Variants in CERS6 observed in about 807,000 individuals in gnomAD.
CERS6 encodes the protein LAG1 homolog, ceramide synthase 6.
In CERS6, 26 loss-of-function variants were observed where a neutral mutation model predicts 56.8. The observed-to-expected ratio is 0.46, with a 90% confidence interval of 0.34 to 0.63. The LOEUF (loss-of-function observed/expected upper bound fraction) is 0.63. CERS6 is among the 30% of genes least tolerant of loss of function. The probability of loss-of-function intolerance (pLI) is 0.01; values close to 1 mark genes in which losing one functional copy is unlikely to be tolerated. For synonymous variants in CERS6, 164 were observed against 173.3 expected (o/e 0.95, Z 0.42); for missense variants, 415 against 467.5 (o/e 0.89, Z 1.04).
chr2:168,759,125 C>G (rs553803250), intron 8 of CERS6, among the ~76,000 whole-genome samples: 1 of 152,246 alleles, frequency 6.6e-6, no homozygotes, highest in East Asian at 1.9e-4. Flanking sequence ...CCCACCAAGG[C>G]TAAGATATTG....
chr2:168,749,014 C>T (rs1315135677), intron 8 of CERS6, among the ~76,000 whole-genome samples: 2 of 149,384 alleles, frequency 1.3e-5, no homozygotes, highest in Admixed American at 6.7e-5. Context: ...ACCATTTCCT[C>T]CTTTCCCCAA....
At chr2:168,462,680 G>T (rs561634268) in intron 1 of CERS6, among the ~76,000 whole-genome samples, 9 of 152,278 alleles carry the variant, frequency 5.9e-5, no homozygotes, top group African/African-American at 2.2e-4. Context: ...AGGACTACAG[G>T]TGGGTGCCAC....
At chr2:168,460,854 T>C (rs927729852) in intron 1 of CERS6, among the ~76,000 whole-genome samples, 2 of 152,212 alleles carry the variant, frequency 1.3e-5, no homozygotes, top group Non-Finnish European at 1.5e-5. Context: ...AATGATCTGC[T>C]GTCCCAAACC....
intron 8 of CERS6, among the ~76,000 whole-genome samples, chr2:168,720,853 G>A (rs932477703): frequency 2.6e-5 from 4 of 152,094 alleles, no homozygotes; most frequent in African/African-American, 9.7e-5. Flanking sequence ...AATAGGTACG[G>A]TTCAAAAAAT....
chr2:168,718,437 A>G (rs549803780), intron 8 of CERS6, among the ~76,000 whole-genome samples: 2 of 152,320 alleles, frequency 1.3e-5, no homozygotes, highest in Admixed American at 1.3e-4. Flanking sequence ...CCACTGAGTG[A>G]GAAACTCTGG....
intron 1 of CERS6, among the ~76,000 whole-genome samples, chr2:168,462,229 T>C (rs1417734827): frequency 6.6e-6 from 1 of 152,220 alleles, no homozygotes; most frequent in African/African-American, 2.4e-5. Context: ...GATTAATTTC[T>C]TAAACACTTT....
At chr2:168,734,215 G>C (rs996942844) in intron 8 of CERS6, among the ~76,000 whole-genome samples, 1 of 152,042 alleles carries the variant, frequency 6.6e-6, no homozygotes, top group South Asian at 2.1e-4. Flanking sequence ...GATAGTGGAC[G>C]TAGACTACTT....
chr2:168,601,473 T>C (rs1683930352), intron 3 of CERS6, among the ~76,000 whole-genome samples: 1 of 152,102 alleles, frequency 6.6e-6, no homozygotes, highest in South Asian at 2.1e-4. Flanking sequence ...TTTCTAGCAC[T>C]AGTGTTTTCA....
intron 1 of CERS6, among the ~76,000 whole-genome samples, chr2:168,517,566 A>T (rs1694906593): frequency 1.3e-5 from 2 of 151,752 alleles, no homozygotes; most frequent in African/African-American, 4.8e-5. Context: ...AAACAAGTGG[A>T]TGGTGTGGTT....
chr2:168,705,144 A>C (rs2105376877), intron 6 of CERS6, among the ~76,000 whole-genome samples: 1 of 152,326 alleles, frequency 6.6e-6, no homozygotes, highest in Middle Eastern at 3.4e-3. Flanking sequence ...GACTAGAGAA[A>C]ATGATGTGGC....
At chr2:168,608,574 T>C (rs1463534500) in intron 3 of CERS6, among the ~76,000 whole-genome samples, 1 of 152,250 alleles carries the variant, frequency 6.6e-6, no homozygotes, top group African/African-American at 2.4e-5. Context: ...ATAGCCATTC[T>C]AGTGGGGTGT....
intron 8 of CERS6, among the ~76,000 whole-genome samples, chr2:168,726,596 C>T (rs1683361787): frequency 6.6e-6 from 1 of 152,162 alleles, no homozygotes; most frequent in Non-Finnish European, 1.5e-5. Context: ...CCCACAGTGT[C>T]TGAAGACCAG....
intron 3 of CERS6, among the ~76,000 whole-genome samples, chr2:168,573,164 G>T (rs1157226586): frequency 3.3e-5 from 5 of 152,098 alleles, no homozygotes; most frequent in Non-Finnish European, 5.9e-5. Flanking sequence ...CATGTACCCA[G>T]ACACCACCTG....
chr2:168,540,456 A>C (rs1695346874), intron 1 of CERS6, among the ~76,000 whole-genome samples: 1 of 152,190 alleles, frequency 6.6e-6, no homozygotes, highest in Admixed American at 6.5e-5. Context: ...ATACACAAGT[A>C]CCATTCTGTT....
At chr2:168,512,010 G>A (rs1195078284) in intron 1 of CERS6, among the ~76,000 whole-genome samples, 1 of 151,862 alleles carries the variant, frequency 6.6e-6, no homozygotes, top group Admixed American at 6.6e-5. Context: ...AAAAGGAAGG[G>A]GATTTGAATA....
At chr2:168,696,743 G>A (rs1163875303) in intron 6 of CERS6, among the ~76,000 whole-genome samples, 2 of 152,166 alleles carry the variant, frequency 1.3e-5, no homozygotes, top group East Asian at 3.9e-4. Context: ...GAAAAGGCAT[G>A]AGTCCCATTC....
chr2:168,499,179 G>T (rs543146533), intron 1 of CERS6, among the ~76,000 whole-genome samples: 9 of 152,308 alleles, frequency 5.9e-5, no homozygotes, highest in Admixed American at 2.0e-4. Context: ...AGAGCCAAAA[G>T]ACCTACAGCC....
chr2:168,550,692 C>A (rs750970532), intron 2 of CERS6, among the ~76,000 whole-genome samples: 1 of 152,182 alleles, frequency 6.6e-6, no homozygotes, highest in Non-Finnish European at 1.5e-5. Context: ...GGCCTCTCTC[C>A]AGGCCCACTG....
intron 1 of CERS6, among the ~76,000 whole-genome samples, chr2:168,479,372 G>A (rs1694135781): frequency 6.6e-6 from 1 of 152,088 alleles, no homozygotes; most frequent in Admixed American, 6.5e-5. Context: ...AAGTAGATAT[G>A]CATGTGTGTG....
Sources: gnomAD v4.1 joint callset for allele counts (sites outside exome capture counted in the v4.1 genomes callset) on GRCh38, gnomAD v4.1.1 for gene constraint, MANE v1.5 for transcripts, NCBI Gene and HGNC (gene_info 2026-07-23, HGNC 2026-07-21) for gene names.